XPO1: variants seen among roughly 807,000 people sequenced by gnomAD.
XPO1 encodes the protein exportin 1, also known as exportin-1.
A neutral mutation model predicts 133.3 loss-of-function variants in XPO1; 5 were observed. That is an observed-to-expected ratio of 0.04 (90% CI 0.02 to 0.08). The LOEUF (loss-of-function observed/expected upper bound fraction) is 0.08, where lower values mean the gene tolerates loss of function less well. Among genes scored for constraint, XPO1 ranks in the 10% least tolerant of loss-of-function variants. The pLI is 1.00. For missense variants in XPO1, 506 were observed against 1,267.5 expected (o/e 0.40, Z 9.12); for synonymous variants, 419 against 408.2 (o/e 1.03, Z -0.32).
intron 6 of XPO1, among the ~76,000 whole-genome samples, chr2:61,501,728 A>AAAAAAAAAAAAAAAAAGAAAAAAAAAG (rs1558649299): frequency 7.2e-6 from 1 of 138,252 alleles, no homozygotes; most frequent in African/African-American, 2.7e-5. Flanking sequence ...CTCCAAAAAA[A>AAAAAAAAAAAAAAAAAGAAAAAAAAAG]AAAAAAAAAG....
At chr2:61,516,522 C>T (rs1028052013) in intron 4 of XPO1, among the ~76,000 whole-genome samples, 1 of 151,986 alleles carries the variant, frequency 6.6e-6, no homozygotes, top group Admixed American at 6.5e-5. Context: ...TCAAGCGATT[C>T]TCCTGCCTCA....
chr2:61,490,981 C>G (rs922401609), intron 16 of XPO1, among the ~76,000 whole-genome samples: 1 of 152,092 alleles, frequency 6.6e-6, no homozygotes, highest in Admixed American at 6.6e-5. Context: ...GTGGTGAAAC[C>G]CCATCTCTTC....
intron 2 of XPO1, among the ~76,000 whole-genome samples, chr2:61,529,613 G>T (rs543029334): frequency 6.7e-6 from 1 of 149,788 alleles, no homozygotes; most frequent in Non-Finnish European, 1.5e-5. Context: ...AGTGATTTGA[G>T]ATCACACCAC....
intron 17 of XPO1, among the ~76,000 whole-genome samples, chr2:61,489,598 A>G (rs1401999543): frequency 6.7e-6 from 1 of 149,796 alleles, no homozygotes; most frequent in Non-Finnish European, 1.5e-5. Flanking sequence ...TCTGTTGCCC[A>G]GGCTAGAGTG....
At position 61,533,869 on chromosome 2, in the gene XPO1, T is replaced by C; in HGVS notation, c.29A>G (p.Asp10Gly). 6.3e-7 allele frequency: 1 copy of C among 1,599,672 alleles called. No individual in the cohort carries two copies. Among genetic ancestry groups the C allele is most frequent in the Non-Finnish European group, 8.5e-7 (1 of 1,174,988 alleles). MPAIMTMLA[D>G]HAARQLLDFS... The stretch of plus-strand genomic sequence containing the variant: ...ATCAAGCAGCTGACGAGCTGCATGG[T>C]CTGCTAACATTGTCATAATTGCTGG... Residue 10 changes from aspartate (D) to glycine (G), a missense_variant, in exon 2 of 25, where the codon GAC becomes GGC. Around this residue, in one of 6 missense-constraint regions of XPO1, gnomAD observed 20 missense variants for 20.4 expected, o/e 0.98. Transcript: ENST00000401558.
At chr2:61,507,612 T>C (rs2104584756) in intron 4 of XPO1, among the ~76,000 whole-genome samples, 1 of 151,266 alleles carries the variant, frequency 6.6e-6, no homozygotes, top group African/African-American at 2.4e-5. Context: ...GCACAGTGGC[T>C]CAAGCCTGTA....
intron 3 of XPO1, chr2:61,526,131 A>G (rs1698896498): frequency 8.6e-7 from 1 of 1,169,120 alleles, no homozygotes; most frequent in South Asian, 2.6e-5. Flanking sequence ...TCTGAATAAC[A>G]TTCAGAATTT....
chr2:61,521,974 T>C (rs910773371), intron 4 of XPO1, among the ~76,000 whole-genome samples: 1 of 152,118 alleles, frequency 6.6e-6, no homozygotes, highest in African/African-American at 2.4e-5. Flanking sequence ...CCCAGGATGG[T>C]CTCAAACTTC....
intron 4 of XPO1, among the ~76,000 whole-genome samples, chr2:61,504,536 T>C (rs1201346582): frequency 6.6e-6 from 1 of 152,196 alleles, no homozygotes; most frequent in African/African-American, 2.4e-5. Context: ...TTATGAAGAT[T>C]TTTCATTTTC....
chr2:61,493,750 A>G (rs1558640808), intron 12 of XPO1, 144 bp downstream of exon 12: 19 of 837,234 alleles, frequency 2.3e-5, no homozygotes, highest in Non-Finnish European at 3.6e-5. Context: ...AACTCCTTTC[A>G]TGTTCTAGTT....
chr2:61,494,980 TAC>T (rs548808135), intron 11 of XPO1, among the ~76,000 whole-genome samples: 105 of 152,004 alleles, frequency 6.9e-4, no homozygotes, highest in African/African-American at 2.2e-3. Flanking sequence ...GAGCTGGGAT[TAC>T]AGTCATGTGA....
intron 4 of XPO1, among the ~76,000 whole-genome samples, chr2:61,514,048 G>A (rs183088928): frequency 6.6e-5 from 10 of 152,166 alleles, no homozygotes; most frequent in Admixed American, 1.3e-4. Flanking sequence ...GTAGCAGGGC[G>A]TGGTGGTGCA....
At chr2:61,481,735 G>A (rs562073775) in intron 23 of XPO1, among the ~76,000 whole-genome samples, 5 of 151,732 alleles carry the variant, frequency 3.3e-5, no homozygotes, top group East Asian at 3.9e-4. Flanking sequence ...GTTTGCCACC[G>A]TGCCCAGCCT....
chr2:61,482,493 A>C lies in XPO1; in HGVS notation c.2859T>G (p.Val953=). 2 of 1,612,876 alleles carry C rather than the reference A, an allele frequency of 1.2e-6. No individual in the cohort carries two copies. Among genetic ancestry groups the C allele is most frequent in the Middle Eastern group, 3.5e-4 (2 of 5,758 alleles). The part of the protein sequence containing the change: ...ASILAYMFNL[V]EEGKISTSLN... Reference sequence around the variant, plus strand: ...ATGATGTACTTATTTTTCCTTCTTCAACCAAATTAAACATATATGCAAGAA... The same window carrying C: ...ATGATGTACTTATTTTTCCTTCTTCCACCAAATTAAACATATATGCAAGAA... Residue 953 remains valine, a synonymous_variant, in exon 23 of 25, where the codon GTT becomes GTG. Coordinates refer to ENST00000401558, the MANE Select transcript of XPO1 (RefSeq NM_003400.4).
chr2:61,505,136 G>A (rs1303769892), intron 4 of XPO1, among the ~76,000 whole-genome samples: 1 of 152,046 alleles, frequency 6.6e-6, no homozygotes, highest in Non-Finnish European at 1.5e-5. Flanking sequence ...TCAGCTAGCT[G>A]ACTAGCTGGG....
intron 2 of XPO1, among the ~76,000 whole-genome samples, chr2:61,531,894 G>C (rs1209678349): frequency 6.6e-6 from 1 of 152,120 alleles, no homozygotes; most frequent in African/African-American, 2.4e-5. Flanking sequence ...ATAAACCTGG[G>C]CTAACAAGCT....
chr2:61,505,949 A>G (rs920394435), intron 4 of XPO1, among the ~76,000 whole-genome samples: 1 of 152,062 alleles, frequency 6.6e-6, no homozygotes, highest in East Asian at 1.9e-4. Flanking sequence ...GATAGTACTA[A>G]CCCTTTTGTT....
chr2:61,489,775 C>T (rs1573120853), intron 17 of XPO1, among the ~76,000 whole-genome samples: 1 of 151,932 alleles, frequency 6.6e-6, no homozygotes, highest in African/African-American at 2.4e-5. Flanking sequence ...ATGATGGTCT[C>T]GATCCCCTGA....
chr2:61,509,745 T>C (rs1354685349), intron 4 of XPO1, among the ~76,000 whole-genome samples: 1 of 152,208 alleles, frequency 6.6e-6, no homozygotes, highest in Non-Finnish European at 1.5e-5. Flanking sequence ...GGAACACTTC[T>C]CATCCCAAGC....
Sources: gnomAD v4.1 joint callset for allele counts (sites outside exome capture counted in the v4.1 genomes callset) on GRCh38, gnomAD v4.1.1 for gene constraint, gnomAD v4.1.1 regional missense constraint, MANE v1.5 for transcripts, NCBI Gene and HGNC (gene_info 2026-07-23, HGNC 2026-07-21) for gene names.